TMEM65: variants seen among roughly 807,000 people sequenced by gnomAD.
The protein encoded by TMEM65 is transmembrane protein 65.
A neutral mutation model predicts 25.4 loss-of-function variants in TMEM65; 22 were observed. The observed-to-expected ratio is 0.86, with a 90% CI of 0.62 to 1.23. The LOEUF (loss-of-function observed/expected upper bound fraction) is 1.23, where lower values mean the gene tolerates loss of function less well. Ranked by LOEUF, TMEM65 falls within the 50% of genes most tolerant of loss-of-function variation. The pLI, the probability that TMEM65 is intolerant of heterozygous loss-of-function variation, is 0.00. For synonymous variants in TMEM65, 132 were observed against 126.2 expected (o/e 1.05, Z -0.31); for missense variants, 262 against 308.2 (o/e 0.85, Z 1.12).
In TMEM65 at chr8:124,329,669, A is replaced by T. The variant is rs144259453; in HGVS notation, c.349+1079T>A. Among the ~76,000 whole-genome samples the T allele has an allele frequency of 2.5e-3, 373 of 152,134 alleles. 1 individual carries two copies. Among genetic ancestry groups the T allele is most frequent in the African/African-American group, 7.7e-3 (322 of 41,580 alleles). On this transcript the variant is annotated intron_variant, in intron 2 of 6. Transcript: ENST00000297632. ...TATTTTAACTAAAAGGAAAAAATAT[A>T]GTTTTTCAAAAAGTTAAATAAACAT...
intron 1 of TMEM65, among the ~76,000 whole-genome samples, chr8:124,341,519 C>T (rs1814583056): frequency 6.6e-6 from 1 of 151,886 alleles, no homozygotes; most frequent in Non-Finnish European, 1.5e-5. Flanking sequence ...TTTTTCTTTA[C>T]CTTTTAGGTA....
In TMEM65 at chr8:124,324,623, C is replaced by T. The variant is rs563522539; in HGVS notation, c.418-1248G>A. Among the ~76,000 whole-genome samples, 16 of 152,158 alleles carry T rather than the reference C, an allele frequency of 1.1e-4. No individual in the cohort carries two copies. In the South Asian group the frequency reaches 3.3e-3, roughly 32 times the overall value. ...CTAATAAATATGGCATCTTTAACAG[C>T]AATGAATCGCTGGCAGTGGCCAAAG... On this transcript the variant is annotated intron_variant, in intron 3 of 6. Transcript: ENST00000297632.
intron 1 of TMEM65, among the ~76,000 whole-genome samples, chr8:124,353,807 T>C (rs1374088038): frequency 2.0e-5 from 3 of 152,182 alleles, no homozygotes; most frequent in Non-Finnish European, 4.4e-5. Context: ...AGTAATGAAT[T>C]ATAATCTACT....
intron 1 of TMEM65, among the ~76,000 whole-genome samples, chr8:124,367,291 T>C (rs1253151344): frequency 6.6e-6 from 1 of 152,080 alleles, no homozygotes; most frequent in African/African-American, 2.4e-5. Context: ...CTGGCCAACA[T>C]GGTGAAACCC....
chr8:124,353,211 C>T (rs1814735918), intron 1 of TMEM65, among the ~76,000 whole-genome samples: 1 of 151,902 alleles, frequency 6.6e-6, no homozygotes, highest in Non-Finnish European at 1.5e-5. Flanking sequence ...GGTGTCAGTG[C>T]CCAAGTTGGT....
intron 1 of TMEM65, 89 bp downstream of exon 1, chr8:124,371,765 G>A: frequency 2.3e-6 from 3 of 1,307,018 alleles, no homozygotes; most frequent in Non-Finnish European, 3.0e-6. Context: ...GGGGGTCCAA[G>A]ATCCAGGGCC....
chr8:124,336,281 C>A (rs983029873), intron 1 of TMEM65, among the ~76,000 whole-genome samples: 1 of 151,934 alleles, frequency 6.6e-6, no homozygotes, highest in African/African-American at 2.4e-5. Flanking sequence ...GATATAAAAG[C>A]CTTTTTCTTA....
chr8:124,341,981 T>A (rs947792975), intron 1 of TMEM65, among the ~76,000 whole-genome samples: 1 of 152,054 alleles, frequency 6.6e-6, no homozygotes, highest in African/African-American at 2.4e-5. Context: ...TATTGCCAAA[T>A]AAGTAATGCT....
At position 124,312,345 on chromosome 8, in the gene TMEM65, C is replaced by G. The variant is rs961522644; in HGVS notation, c.*1615G>C. The stretch of plus-strand genomic sequence containing the variant: ...ATTATATGCTATATTTTTATGCTTT[C>G]TCTCCTCAAAGTCTATGATTAAAGG... On this transcript the variant is annotated 3_prime_UTR_variant, in exon 7 of 7. Coordinates refer to ENST00000297632, the MANE Select transcript of TMEM65 (RefSeq NM_194291.3). 6.6e-6 allele frequency: 1 copy of G among 151,904 alleles called. No individual in the cohort carries two copies. The highest frequency in any genetic ancestry group is 2.4e-5 in the African/African-American group (1 of 41,386). 9.4% of individuals were successfully genotyped at this position (151,904 alleles called of 1,614,324 possible).
At chr8:124,371,238 G>A (rs919598154) in intron 1 of TMEM65, among the ~76,000 whole-genome samples, 1 of 152,164 alleles carries the variant, frequency 6.6e-6, no homozygotes, top group Non-Finnish European at 1.5e-5. Flanking sequence ...AGTTTAACTT[G>A]AATCTGTCTT....
chr8:124,350,953 T>G (rs1293649175), intron 1 of TMEM65: 4 of 984,174 alleles, frequency 4.1e-6, no homozygotes, highest in Non-Finnish European at 4.8e-6. Context: ...ACAGAAAAAT[T>G]AGGCAGTCTA....
In TMEM65 at chr8:124,354,490, A is replaced by T. The variant is rs1335132205; in HGVS notation, c.304+17364T>A. On this transcript the variant is annotated intron_variant, in intron 1 of 6. Transcript: ENST00000297632. ...GCTGCCAGAAGTCCTGATAATAGAC[A>T]GCCCTCAACAATCAGTCATCTTGGG... Among the ~76,000 whole-genome samples, 4 of 152,190 alleles carry T rather than the reference A, an allele frequency of 2.6e-5. No homozygotes were observed. In the East Asian group the frequency reaches 7.7e-4, roughly 29 times the overall value.
chr8:124,347,071 T>A (rs181773312), intron 1 of TMEM65, among the ~76,000 whole-genome samples: 22 of 152,332 alleles, frequency 1.4e-4, no homozygotes, highest in Admixed American at 8.5e-4. Flanking sequence ...AGCAGTGTTT[T>A]TTTTAAAAAG....
At chr8:124,340,872 T>C (rs1282918715) in intron 1 of TMEM65, among the ~76,000 whole-genome samples, 2 of 152,110 alleles carry the variant, frequency 1.3e-5, no homozygotes, top group Non-Finnish European at 1.5e-5. Flanking sequence ...CTACAGTTTC[T>C]TATTACAGAG....
intron 1 of TMEM65, among the ~76,000 whole-genome samples, chr8:124,335,782 T>C (rs1270529112): frequency 1.3e-5 from 2 of 151,922 alleles, no homozygotes; most frequent in East Asian, 3.9e-4. Context: ...TCTGAAGGAA[T>C]GTTCAATTAA....
rs900574340 is a variant in TMEM65, at chr8:124,312,018, TAAG to T, written c.*1939_*1941del. The T allele has an allele frequency of 5.2e-5, 8 of 152,440 alleles. No homozygotes were observed. Among genetic ancestry groups the T allele is most frequent in the Admixed American group, 2.6e-4 (4 of 15,258 alleles). 9.4% of individuals were successfully genotyped at this position (152,440 alleles called of 1,614,324 possible). A position where few individuals can be genotyped will look rare whatever the true frequency, so the allele number is the denominator to read the frequency against. On this transcript the variant is annotated 3_prime_UTR_variant, in exon 7 of 7. Coordinates refer to ENST00000297632, the MANE Select transcript of TMEM65 (RefSeq NM_194291.3). ...GGTTTCTGATACGGGATTTAATTAA[TAAG>T]AAGTTAAGCACCACAGTAAAATACA...
intron 1 of TMEM65, among the ~76,000 whole-genome samples, chr8:124,368,906 C>T (rs576164865): frequency 1.3e-5 from 2 of 152,166 alleles, no homozygotes; most frequent in East Asian, 3.9e-4. Flanking sequence ...TTTGTTATAC[C>T]GCAATGGATA....
chr8:124,338,124 T>C (rs1278849926), intron 1 of TMEM65, among the ~76,000 whole-genome samples: 6 of 152,104 alleles, frequency 3.9e-5, no homozygotes, highest in Admixed American at 3.9e-4. Flanking sequence ...TATAAAGATA[T>C]ATACACAAAA....
chr8:124,321,601 G>A (rs1401887728), intron 5 of TMEM65, among the ~76,000 whole-genome samples: 1 of 152,056 alleles, frequency 6.6e-6, no homozygotes, highest in Non-Finnish European at 1.5e-5. Flanking sequence ...TATTTCCTTT[G>A]AAAGTTCCCC....
Sources: allele counts gnomAD v4.1 joint callset (sites outside exome capture counted in the v4.1 genomes callset), GRCh38; gene constraint gnomAD v4.1.1; transcripts MANE v1.5; gene names NCBI Gene and HGNC (gene_info 2026-07-23, HGNC 2026-07-21).